ZFYVE9: variants seen among roughly 807,000 people sequenced by gnomAD.
ZFYVE9 encodes zinc finger FYVE-type containing 9, also known as zinc finger FYVE domain-containing protein 9.
In ZFYVE9, 43 loss-of-function variants were observed where a neutral mutation model predicts 126.7. That is an observed-to-expected ratio of 0.34 (90% CI 0.27 to 0.44). The LOEUF (loss-of-function observed/expected upper bound fraction) is 0.44, where lower values mean the gene tolerates loss of function less well. Among genes scored for constraint, ZFYVE9 ranks in the 20% least tolerant of loss-of-function variants. ZFYVE9 has a pLI of 1.00. For synonymous variants in ZFYVE9, 521 were observed against 597.4 expected (o/e 0.87, Z 1.87); for missense variants, 1,476 against 1,697.0 (o/e 0.87, Z 2.29).
intron 4 of ZFYVE9, among the ~76,000 whole-genome samples, chr1:52,256,894 T>C (rs777735618): frequency 7.2e-5 from 11 of 152,236 alleles, no homozygotes; most frequent in Non-Finnish European, 1.5e-4. Flanking sequence ...TGGTCAGTTC[T>C]ATGCACTCTC....
At chr1:52,184,817 G>GAGTTAGAGACCAGCCTGGACAACATAGC (rs1644749549) in intron 1 of ZFYVE9, among the ~76,000 whole-genome samples, 2 of 151,978 alleles carry the variant, frequency 1.3e-5, no homozygotes, top group Non-Finnish European at 2.9e-5. Context: ...CTGAGGCCAG[G>GAGTTAGAGACCAGCCTGGACAACATAGC]AGTTAGAGAC....
At chr1:52,154,396 T>A (rs1426599453) in intron 1 of ZFYVE9, among the ~76,000 whole-genome samples, 1 of 152,084 alleles carries the variant, frequency 6.6e-6, no homozygotes, top group Non-Finnish European at 1.5e-5. Context: ...TAAATGGGAG[T>A]CCATGTCTCC....
At chr1:52,186,299 T>C (rs1390624512) in intron 1 of ZFYVE9, among the ~76,000 whole-genome samples, 1 of 151,190 alleles carries the variant, frequency 6.6e-6, no homozygotes, top group African/African-American at 2.4e-5. Context: ...CTCAGTAAAC[T>C]AGGTATTGAA....
Position 52,239,036 on chromosome 1 carries a change from A to G in ZFYVE9, c.1619A>G (p.Asp540Gly). Residue 540 changes from aspartate (D) to glycine (G), a missense_variant, in exon 4 of 19, where the codon GAC (aspartate) becomes GGC (glycine). Coordinates refer to ENST00000287727, the MANE Select transcript of ZFYVE9 (RefSeq NM_004799.4). ...GSGLLLNSTGDLMKKNYLHNF... is the reference protein window; with the variant it reads ...GSGLLLNSTGGLMKKNYLHNF... ...GGACTACTTTTAAACAGCACTGGTG[A>G]CCTAATGAAGAAAAATTATTTACAT... is the stretch of plus-strand genomic sequence containing the variant. 2 of 1,614,160 alleles carry G rather than the reference A, an allele frequency of 1.2e-6. No homozygotes were observed. Among genetic ancestry groups the G allele is most frequent in the Admixed American group, 3.3e-5 (2 of 60,006 alleles).
chr1:52,232,625 G>A (rs149374838), intron 2 of ZFYVE9, among the ~76,000 whole-genome samples: 192 of 150,820 alleles, frequency 1.3e-3, no homozygotes, highest in African/African-American at 4.3e-3. Context: ...CTACTTGGGA[G>A]GCTAAAGCAG....
At chr1:52,181,153 C>T (rs1644697776) in intron 1 of ZFYVE9, among the ~76,000 whole-genome samples, 1 of 152,190 alleles carries the variant, frequency 6.6e-6, no homozygotes, top group Admixed American at 6.5e-5. Flanking sequence ...GACTGTACTG[C>T]TGCCATCTCG....
chr1:52,193,266 C>T (rs925224492), intron 1 of ZFYVE9, among the ~76,000 whole-genome samples: 2 of 151,994 alleles, frequency 1.3e-5, no homozygotes, highest in Non-Finnish European at 2.9e-5. Context: ...GCTGTGTACC[C>T]AGCCTCTAGA....
intron 4 of ZFYVE9, chr1:52,252,164 G>C (rs1245651045): frequency 6.4e-6 from 1 of 156,296 alleles, no homozygotes; most frequent in Non-Finnish European, 1.4e-5. Flanking sequence ...TTGTCAATGA[G>C]CACCTCTTAT....
chr1:52,173,880 G>C (rs1204155883), intron 1 of ZFYVE9, among the ~76,000 whole-genome samples: 1 of 151,990 alleles, frequency 6.6e-6, no homozygotes, highest in East Asian at 1.9e-4. Flanking sequence ...GTGTCTATTT[G>C]ATTCTTCCCT....
intron 1 of ZFYVE9, among the ~76,000 whole-genome samples, chr1:52,158,331 A>G (rs1244297868): frequency 6.6e-6 from 1 of 152,212 alleles, no homozygotes; most frequent in African/African-American, 2.4e-5. Context: ...TGTCCTTGGC[A>G]GGGTTAGCAC....
intron 17 of ZFYVE9, among the ~76,000 whole-genome samples, chr1:52,344,217 C>G (rs934886248): frequency 2.8e-4 from 42 of 152,332 alleles, no homozygotes; most frequent in African/African-American, 9.1e-4. Context: ...CAGTTCCCGC[C>G]TCTATAGTGG....
intron 15 of ZFYVE9, among the ~76,000 whole-genome samples, chr1:52,336,510 A>G (rs1646391256): frequency 6.6e-6 from 1 of 151,742 alleles, no homozygotes; most frequent in South Asian, 2.1e-4. Context: ...TTGTGCGCCA[A>G]CACGCCCAGC....
intron 4 of ZFYVE9, among the ~76,000 whole-genome samples, chr1:52,244,956 G>A (rs1645369529): frequency 6.6e-6 from 1 of 152,118 alleles, no homozygotes; most frequent in Non-Finnish European, 1.5e-5. Flanking sequence ...TCATGAGTTC[G>A]AGACCAGCCT....
chr1:52,151,076 G>A (rs1343817394), intron 1 of ZFYVE9, among the ~76,000 whole-genome samples: 1 of 150,228 alleles, frequency 6.7e-6, no homozygotes, highest in East Asian at 2.0e-4. Context: ...TCTGCTCAGT[G>A]TTTAAAAAGC....
At chr1:52,236,514 A>G (rs1645274360) in intron 3 of ZFYVE9, among the ~76,000 whole-genome samples, 5 of 152,190 alleles carry the variant, frequency 3.3e-5, no homozygotes, top group Admixed American at 3.3e-4. Context: ...CAAGAAAGGC[A>G]CTGAGTGCAT....
rs1644592965 is a variant in ZFYVE9, at chr1:52,173,547, C to T, written c.-143+31144C>T. 2.0e-5 allele frequency among the ~76,000 whole-genome samples: 3 copies of T among 152,256 alleles called. No individual in the cohort carries two copies. In the South Asian group the frequency reaches 6.2e-4, roughly 32 times the overall value. On this transcript the variant is annotated intron_variant, in intron 1 of 18. Coordinates refer to ENST00000287727, the MANE Select transcript of ZFYVE9 (RefSeq NM_004799.4). ...GAGTTAGGGAGGGTTCCCTCTTTTT[C>T]TGTTGATTGGAATAGTTTCAGAAGG...
Position 52,298,756 on chromosome 1 carries a change from G to A in ZFYVE9, c.3333+2779G>A, listed in dbSNP as rs12032112. Among the ~76,000 whole-genome samples the A allele has an allele frequency of 9.9e-3, 1,491 of 150,618 alleles. 67 individuals are homozygous for A. In the East Asian group the frequency reaches 0.12, roughly 12 times the overall value. ...CTTTGGGTAGTATGGCTATTTTCAC[G>A]GTATTAATTCTTCCAATCCATGAAC... is the stretch of plus-strand genomic sequence containing the variant. On this transcript the variant is annotated intron_variant, in intron 12 of 18. Coordinates refer to ENST00000287727, the MANE Select transcript of ZFYVE9 (RefSeq NM_004799.4).
rs563887328 is a variant in ZFYVE9, at chr1:52,292,006, C to T, written c.3026-1447C>T. Among the ~76,000 whole-genome samples, 54 of 150,366 alleles carry T rather than the reference C, an allele frequency of 3.6e-4. 1 individual carries two copies. The highest frequency in any genetic ancestry group is 1.3e-3 in the South Asian group (6 of 4,728). ...ATAAACAATAAATCCTGTCCAAGCA[C>T]GGTGGCTCGCGCCTGTAATCCCAGC... is the stretch of plus-strand genomic sequence containing the variant. On this transcript the variant is annotated intron_variant, in intron 10 of 18. Coordinates refer to ENST00000287727, the MANE Select transcript of ZFYVE9 (RefSeq NM_004799.4).
At chr1:52,227,319 C>T (rs1185416319) in intron 2 of ZFYVE9, among the ~76,000 whole-genome samples, 1 of 152,088 alleles carries the variant, frequency 6.6e-6, no homozygotes. Context: ...GAAGATAGTG[C>T]CCTCTTTTCT....
Sources: allele counts gnomAD v4.1 joint callset (sites outside exome capture counted in the v4.1 genomes callset), GRCh38; gene constraint gnomAD v4.1.1; transcripts MANE v1.5; gene names NCBI Gene and HGNC (gene_info 2026-07-23, HGNC 2026-07-21).